The following LTBP2 variants were observed in gnomAD, a reference collection of about 807,000 sequenced individuals.
LTBP2 encodes the protein latent transforming growth factor beta binding protein 2, also known as latent-transforming growth factor beta-binding protein 2.
In LTBP2, 103 loss-of-function variants were observed where a neutral mutation model predicts 210.6. The ratio of observed to expected loss-of-function variants is 0.49; its 90% CI spans 0.42 to 0.58. LTBP2 has a LOEUF of 0.58. LTBP2 is among the 20% of genes least tolerant of loss of function. The pLI is 0.00. For synonymous variants in LTBP2, 1,007 were observed against 1,015.0 expected (o/e 0.99, Z 0.15); for missense variants, 2,313 against 2,494.5 (o/e 0.93, Z 1.55).
At chr14:74,594,329 C>A (rs1238885023) in intron 2 of LTBP2, among the ~76,000 whole-genome samples, 1 of 152,168 alleles carries the variant, frequency 6.6e-6, no homozygotes, top group East Asian at 1.9e-4. Flanking sequence ...CAGGGTGGGC[C>A]CCTTTAGCCT....
chr14:74,581,227 G>A (rs1181436708), intron 3 of LTBP2, among the ~76,000 whole-genome samples: 1 of 152,242 alleles, frequency 6.6e-6, no homozygotes, highest in East Asian at 1.9e-4. Context: ...ATGTGCTGTA[G>A]TGAGTGGGTG....
At chr14:74,584,306 A>G (rs2088175111) in intron 3 of LTBP2, among the ~76,000 whole-genome samples, 2 of 152,196 alleles carry the variant, frequency 1.3e-5, no homozygotes. Context: ...CAAGAGTGTG[A>G]GAGGCAGAGT....
chr14:74,516,575 TA>T (rs1265641897), intron 18 of LTBP2, among the ~76,000 whole-genome samples: 3 of 152,164 alleles, frequency 2.0e-5, no homozygotes, highest in Admixed American at 2.0e-4. Flanking sequence ...GAGATGTTCC[TA>T]AGGTGTCATG....
intron 28 of LTBP2, 38 bp downstream of exon 28, chr14:74,506,008 CCT>C (rs2086978645): frequency 6.2e-7 from 1 of 1,613,354 alleles, no homozygotes; most frequent in Admixed American, 1.7e-5. Context: ...TCTCTGTAAA[CCT>C]CTGAGTCACC....
chr14:74,570,690 T>C (rs2087964012), intron 3 of LTBP2, among the ~76,000 whole-genome samples: 1 of 152,146 alleles, frequency 6.6e-6, no homozygotes, highest in Admixed American at 6.5e-5. Context: ...GTGTCCCCAT[T>C]TTACAGAAGA....
chr14:74,550,016 C>CT, intron 7 of LTBP2, 51 bp from the exon 8 acceptor site: 1 of 1,212,922 alleles, frequency 8.2e-7, no homozygotes, highest in Non-Finnish European at 1.2e-6. Context: ...CCCTCCCAGG[C>CT]TGTGCACAGA....
intron 2 of LTBP2, among the ~76,000 whole-genome samples, chr14:74,598,038 C>G (rs1218350916): frequency 6.6e-6 from 1 of 152,248 alleles, no homozygotes; most frequent in East Asian, 1.9e-4. Context: ...CTGGGTACTA[C>G]TCTCATCCTC....
In LTBP2 at chr14:74,611,510, C is replaced by T. The variant is rs764489242; in HGVS notation, c.435G>A (p.Leu145=). The change falls in exon 1 of 36, where the codon CTG becomes CTA. Residue 145 remains leucine (L), a synonymous_variant. Transcript: ENST00000261978. ...CAGCCCCAGACCGCTGTGGGGTCCC[C>T]AGGCGTGGGAGAGCCGGCGCGGCCC... ...RTRAAPALPR[L]GTPQRSGAAP... 10 of 1,531,212 alleles carry T rather than the reference C, an allele frequency of 6.5e-6. No individual in the cohort carries two copies. In the Admixed American group the frequency reaches 2.0e-4, roughly 31 times the overall value. 94.9% of individuals were successfully genotyped at this position (1,531,212 alleles called of 1,614,324 possible).
chr14:74,513,632 A>G (rs2087099068), intron 18 of LTBP2, among the ~76,000 whole-genome samples: 1 of 152,274 alleles, frequency 6.6e-6, no homozygotes, highest in African/African-American at 2.4e-5. Flanking sequence ...GTGAAACCCC[A>G]TCTCTACTAA....
rs771319126 is a variant in LTBP2 at position 74,516,893 on chromosome 14, G to A, written c.2837C>T (p.Thr946Ile). 137 of 1,551,950 alleles carry A rather than the reference G, an allele frequency of 8.8e-5. No individual in the cohort carries two copies. The South Asian group carries it at 1.0e-3, about 12-fold the overall frequency. The change falls in exon 18 of 36, where the codon ACC (threonine) becomes ATC (isoleucine). Residue 946 changes from threonine to isoleucine, a missense_variant. By Grantham distance (89) the Thr-to-Ile change is moderately conservative. Transcript: ENST00000261978. The stretch of plus-strand genomic sequence containing the variant: ...GCAGTGGTACGAGCCCTCGGTGTTG[G>A]TGCACTGCCCCCCGCTGCACACCCC... ...QPGVCSGGQCTNTEGSYHCEC... is the reference protein window; with the variant it reads ...QPGVCSGGQCINTEGSYHCEC...
At chr14:74,605,032 C>A (rs8007855) in intron 1 of LTBP2, among the ~76,000 whole-genome samples, 2 of 152,168 alleles carry the variant, frequency 1.3e-5, no homozygotes, top group Admixed American at 1.3e-4. Flanking sequence ...CAGGCTGGGC[C>A]GGGCTCTGGC....
At chr14:74,569,265 C>T (rs561833901) in intron 3 of LTBP2, among the ~76,000 whole-genome samples, 1 of 152,240 alleles carries the variant, frequency 6.6e-6, no homozygotes, top group Non-Finnish European at 1.5e-5. Flanking sequence ...GAGAACATCC[C>T]TCTTTTTAGC....
intron 1 of LTBP2, among the ~76,000 whole-genome samples, chr14:74,604,059 G>A (rs2088487192): frequency 6.7e-6 from 1 of 149,934 alleles, no homozygotes; most frequent in Non-Finnish European, 1.5e-5. Flanking sequence ...CTTCAGAGAG[G>A]TTCAGTGACT....
intron 8 of LTBP2, among the ~76,000 whole-genome samples, chr14:74,539,090 C>A (rs187832499): frequency 1.3e-5 from 2 of 152,352 alleles, no homozygotes; most frequent in African/African-American, 4.8e-5. Flanking sequence ...GGAAAGAGAC[C>A]AAGTGCACAT....
chr14:74,611,234 G>A (rs1357492501), intron 1 of LTBP2, among the ~76,000 whole-genome samples: 4 of 152,358 alleles, frequency 2.6e-5, no homozygotes, highest in Non-Finnish European at 2.9e-5. Flanking sequence ...GAGTTGGTAA[G>A]AAAGGATGAG....
chr14:74,514,053 A>G (rs1173343692), intron 18 of LTBP2, among the ~76,000 whole-genome samples: 3 of 152,208 alleles, frequency 2.0e-5, no homozygotes, highest in Non-Finnish European at 4.4e-5. Flanking sequence ...ACCATTAGCC[A>G]AGCCAATCCA....
intron 8 of LTBP2, among the ~76,000 whole-genome samples, chr14:74,543,813 C>A (rs2087545590): frequency 6.6e-6 from 1 of 152,202 alleles, no homozygotes; most frequent in Non-Finnish European, 1.5e-5. Flanking sequence ...TGGTGAAGGA[C>A]CAGTGGGGCC....
intron 8 of LTBP2, among the ~76,000 whole-genome samples, chr14:74,548,302 G>A (rs2087603841): frequency 6.6e-6 from 1 of 151,774 alleles, no homozygotes; most frequent in African/African-American, 2.4e-5. Flanking sequence ...GGGCTCCACT[G>A]CCTGTGTTTG....
Position 74,527,770 on chromosome 14 carries a change from C to T in LTBP2, c.2369-404G>A, listed in dbSNP as rs564647569. Among the ~76,000 whole-genome samples, 9 of 152,318 alleles carry T rather than the reference C, an allele frequency of 5.9e-5. No homozygotes were observed. In the East Asian group the frequency reaches 9.7e-4, roughly 16 times the overall value. ...CAGGCTGGGTCATGCAGCCCCCTGCCCTGGGCTTTGGGCCAGGGGAACAGT... is the reference window on the plus strand; with the variant it reads ...CAGGCTGGGTCATGCAGCCCCCTGCTCTGGGCTTTGGGCCAGGGGAACAGT... On this transcript the variant is annotated intron_variant, in intron 12 of 35. Coordinates refer to ENST00000261978, the MANE Select transcript of LTBP2 (RefSeq NM_000428.3).
Sources: gnomAD v4.1 joint callset for allele counts (sites outside exome capture counted in the v4.1 genomes callset) on GRCh38, gnomAD v4.1.1 for gene constraint, MANE v1.5 for transcripts, NCBI Gene and HGNC (gene_info 2026-07-23, HGNC 2026-07-21) for gene names.